SIPA1L2: variants seen among roughly 807,000 people sequenced by gnomAD.
SIPA1L2 encodes signal induced proliferation associated 1 like 2.
SIPA1L2 carries 56 observed loss-of-function variants against 163.9 expected under a neutral mutation model. The ratio of observed to expected loss-of-function variants is 0.34; its 90% confidence interval spans 0.28 to 0.43. The LOEUF (loss-of-function observed/expected upper bound fraction) is 0.43. SIPA1L2 is among the 20% of genes least tolerant of loss of function. The pLI is 1.00. For missense variants in SIPA1L2, 1,974 were observed against 2,193.5 expected (o/e 0.90, Z 2.00); for synonymous variants, 877 against 865.7 (o/e 1.01, Z -0.23).
At chr1:232,445,852 A>G in intron 10 of SIPA1L2, 66 bp from the exon 11 acceptor site, 1 of 1,558,888 alleles carries the variant, frequency 6.4e-7, no homozygotes, top group Middle Eastern at 2.1e-4. Context: ...TGGCTTACTC[A>G]CAGCTGGGCC....
At chr1:232,497,816 T>C (rs1382311074) in intron 3 of SIPA1L2, among the ~76,000 whole-genome samples, 1 of 152,180 alleles carries the variant, frequency 6.6e-6, no homozygotes, top group African/African-American at 2.4e-5. Flanking sequence ...TTTATACTTA[T>C]ATGAATGTCT....
At chr1:232,544,251 T>G (rs1657880206) in intron 2 of SIPA1L2, among the ~76,000 whole-genome samples, 1 of 152,308 alleles carries the variant, frequency 6.6e-6, no homozygotes, top group South Asian at 2.1e-4. Context: ...TTAATGGCTA[T>G]AATGACTTTC....
chr1:232,529,369 T>C (rs1667865024), intron 2 of SIPA1L2, among the ~76,000 whole-genome samples: 1 of 152,238 alleles, frequency 6.6e-6, no homozygotes, highest in South Asian at 2.1e-4. Context: ...GTTCCTTTAC[T>C]ATGTAACGGT....
chr1:232,593,358 G>A (rs61826617), intron 1 of SIPA1L2, among the ~76,000 whole-genome samples: 24,756 of 152,022 alleles, frequency 0.16, 2,162 homozygotes, highest in Middle Eastern at 0.25. Context: ...TGAGGAACCC[G>A]CTCAGCACGC....
At chr1:232,525,400 T>G (rs1011324596) in intron 2 of SIPA1L2, among the ~76,000 whole-genome samples, 1 of 86,844 alleles carries the variant, frequency 1.2e-5, no homozygotes, top group Non-Finnish European at 2.1e-5. Flanking sequence ...CAAGCCTGGC[T>G]ATTTTTTTTT....
chr1:232,465,332 G>A lies in SIPA1L2; in HGVS notation c.2328C>T (p.Phe776=), dbSNP rs777492926. The A allele has an allele frequency of 1.6e-5, 26 of 1,614,030 alleles. No individual in the cohort carries two copies. Among genetic ancestry groups the A allele is most frequent in the Non-Finnish European group, 2.0e-5 (24 of 1,180,032 alleles). ...KGVTFPKSAV[F]RDFLLAKVIN... ...TTACTTTGGCTAAAAGGAAGTCCCG[G>A]AACACGGCTGACTTTGGAAAAGTTA... Residue 776 remains phenylalanine, a synonymous_variant, in exon 9 of 23, where the codon TTC becomes TTT. Transcript: ENST00000674635. The surrounding 1 kb of genome is among the most constrained non-coding windows in gnomAD (Gnocchi z 4.1).
chr1:232,513,119 G>A (rs1667058714), intron 3 of SIPA1L2, among the ~76,000 whole-genome samples: 1 of 152,208 alleles, frequency 6.6e-6, no homozygotes, highest in Admixed American at 6.5e-5. Context: ...GACACATGTG[G>A]AACCTGTTTC....
chr1:232,488,166 T>A (rs907022577), intron 5 of SIPA1L2, among the ~76,000 whole-genome samples: 3 of 152,196 alleles, frequency 2.0e-5, no homozygotes, highest in Non-Finnish European at 4.4e-5. Flanking sequence ...CTGGCCAGGC[T>A]GGTCTTGAAC....
intron 19 of SIPA1L2, among the ~76,000 whole-genome samples, chr1:232,412,035 T>C (rs1381035367): frequency 6.6e-6 from 1 of 152,360 alleles, no homozygotes; most frequent in African/African-American, 2.4e-5. Flanking sequence ...CCATTTATTA[T>C]GGTCCTTGCA....
At position 232,445,719 on chromosome 1, in the gene SIPA1L2, C is replaced by T. The variant is rs746459473; in HGVS notation, c.3163G>A (p.Glu1055Lys). The part of the protein sequence containing the change: ...YKLDSEGTPC[E>K]YKTPFRRNTT... ...TTCCTCCTGAAGGGGGTTTTATACT[C>T]GCAGGGGGTGCCCTCGCTGTCGAGT... The change falls in exon 11 of 23, where the codon GAG becomes AAG. Residue 1055 changes from glutamate (E) to lysine (K), a missense_variant. By Grantham distance (56) the Glu-to-Lys change is moderately conservative. This residue lies in a region of SIPA1L2 where 1,079 missense variants were observed against 1,150.7 expected (regional missense o/e 0.94). Transcript: ENST00000674635. 6.2e-6 allele frequency: 10 copies of T among 1,613,640 alleles called. No homozygotes were observed. The highest frequency in any genetic ancestry group is 5.3e-5 in the African/African-American group (4 of 75,016).
At chr1:232,417,499 A>G (rs1413723344) in intron 18 of SIPA1L2, among the ~76,000 whole-genome samples, 1 of 152,096 alleles carries the variant, frequency 6.6e-6, no homozygotes, top group Non-Finnish European at 1.5e-5. Flanking sequence ...GTTAACCAGC[A>G]GAGGAGGGAA....
At chr1:232,550,959 G>C (rs1658344966) in intron 2 of SIPA1L2, among the ~76,000 whole-genome samples, 1 of 152,150 alleles carries the variant, frequency 6.6e-6, no homozygotes, top group East Asian at 1.9e-4. Context: ...AGAAACAGTG[G>C]ACTGGGAGTG....
intron 18 of SIPA1L2, among the ~76,000 whole-genome samples, chr1:232,416,681 C>T (rs1661283795): frequency 6.6e-6 from 1 of 152,160 alleles, no homozygotes; most frequent in African/African-American, 2.4e-5. Context: ...ACCAACTTTG[C>T]TTTTATCAAT....
chr1:232,447,155 T>C (rs976794034), intron 10 of SIPA1L2, among the ~76,000 whole-genome samples: 8 of 152,256 alleles, frequency 5.3e-5, no homozygotes, highest in Non-Finnish European at 8.8e-5. Flanking sequence ...AATAATCATT[T>C]AACATTTTTT....
chr1:232,439,179 C>T lies in SIPA1L2; in HGVS notation c.3960G>A (p.Ala1320=), dbSNP rs184430425. 34 of 1,613,606 alleles carry T rather than the reference C, an allele frequency of 2.1e-5. No homozygotes were observed. The highest frequency in any genetic ancestry group is 6.7e-5 in the East Asian group (3 of 44,864). Reference sequence around the variant, plus strand: ...CAGCACTGCCGGCGGAGATGGTGGACGCGTAGCCATGCACAGAATATAACT... The same window carrying T: ...CAGCACTGCCGGCGGAGATGGTGGATGCGTAGCCATGCACAGAATATAACT... ...PAKLYSVHGY[A]STISAGSAAE... is the part of the protein sequence containing the mutation. Residue 1320 remains alanine, a synonymous_variant, in exon 15 of 23, where the codon GCG becomes GCA. Coordinates refer to ENST00000674635, the MANE Select transcript of SIPA1L2 (RefSeq NM_020808.5).
At chr1:232,580,367 G>A (rs949325760) in intron 1 of SIPA1L2, among the ~76,000 whole-genome samples, 3 of 152,096 alleles carry the variant, frequency 2.0e-5, no homozygotes, top group Non-Finnish European at 4.4e-5. Flanking sequence ...TTATCAGCAC[G>A]GTCTTTGTGA....
At chr1:232,452,112 T>C (rs764768932) in intron 10 of SIPA1L2, among the ~76,000 whole-genome samples, 2 of 151,596 alleles carry the variant, frequency 1.3e-5, no homozygotes, top group Non-Finnish European at 2.9e-5. Flanking sequence ...CTAAAAACAG[T>C]ATTACTTGTC....
At chr1:232,553,597 C>T (rs1417518811) in intron 2 of SIPA1L2, among the ~76,000 whole-genome samples, 8 of 152,158 alleles carry the variant, frequency 5.3e-5, no homozygotes, top group Admixed American at 5.2e-4. Context: ...GCCAGGCTGC[C>T]AGGAGGCAAG....
At chr1:232,430,095 G>A (rs930710219) in intron 16 of SIPA1L2, among the ~76,000 whole-genome samples, 14 of 152,216 alleles carry the variant, frequency 9.2e-5, no homozygotes, top group African/African-American at 1.9e-4. Context: ...GCCTGCCACC[G>A]TGAGTAGTGA....
Sources: allele counts gnomAD v4.1 joint callset (sites outside exome capture counted in the v4.1 genomes callset), GRCh38; gene constraint gnomAD v4.1.1; regional missense constraint gnomAD v4.1.1; non-coding constraint Gnocchi (gnomAD v3.1); transcripts MANE v1.5; gene names NCBI Gene and HGNC (gene_info 2026-07-23, HGNC 2026-07-21).